The following OTOG variants were observed in gnomAD, a reference collection of about 807,000 sequenced individuals.
OTOG encodes otogelin.
Under a neutral mutation model 313.8 loss-of-function variants are expected in OTOG, and 296 were observed. That is an observed-to-expected ratio of 0.94 (90% confidence interval 0.86 to 1.04). OTOG has a LOEUF of 1.04. Ranked by LOEUF, OTOG falls within the 50% of genes least tolerant of loss-of-function variation. The pLI is 0.00. For missense variants in OTOG, 3,948 were observed against 3,840.1 expected, an observed-to-expected ratio of 1.03 and a Z score of -0.74; for synonymous variants, 1,533 against 1,554.9, an observed-to-expected ratio of 0.99 and a Z score of 0.33.
intron 22 of OTOG, among the ~76,000 whole-genome samples, chr11:17,577,280 G>A (rs1357815798): frequency 3.9e-5 from 6 of 152,236 alleles, no homozygotes; most frequent in Non-Finnish European, 7.3e-5. Context: ...CTCTGCCCAG[G>A]ACAATGCTAG....
At chr11:17,613,773 A>G in intron 39 of OTOG, 72 bp downstream of exon 39, 2 of 876,604 alleles carry the variant, frequency 2.3e-6, no homozygotes, top group Non-Finnish European at 1.7e-6. Flanking sequence ...CCAGGGGTGG[A>G]GGGGCTGTGA....
rs1206662066 is a variant in OTOG, at chr11:17,553,465, C to A, written c.486C>A (p.Gly162=). 1.4e-5 allele frequency: 21 copies of A among 1,464,668 alleles called. No individual in the cohort carries two copies. Among genetic ancestry groups the A allele is most frequent in the Non-Finnish European group, 1.9e-5 (21 of 1,106,102 alleles). The allele number at this position is 1,464,668 out of a possible 1,614,324, so 90.7% of individuals were successfully genotyped here. The change falls in exon 6 of 56, where the codon GGC becomes GGA. Residue 162 remains glycine (G), a synonymous_variant. Coordinates refer to ENST00000399397, the MANE Select transcript of OTOG (RefSeq NM_001292063.2). ...DGLYYYLSGK[G]SYTLVGRHEP... Reference sequence around the variant, plus strand: ...TCTACTACTACCTCTCCGGAAAGGGCAGCTACACCCTGGTGGGTCGCCATG... The same window carrying A: ...TCTACTACTACCTCTCCGGAAAGGGAAGCTACACCCTGGTGGGTCGCCATG...
intron 22 of OTOG, among the ~76,000 whole-genome samples, chr11:17,577,323 G>A (rs945419367): frequency 2.0e-5 from 3 of 152,160 alleles, no homozygotes; most frequent in African/African-American, 7.2e-5. Context: ...AGGACAGCCT[G>A]GGCTTTTGAG....
intron 15 of OTOG, 145 bp from the exon 16 acceptor site, chr11:17,569,011 A>G: frequency 1.0e-6 from 1 of 976,094 alleles, no homozygotes; most frequent in East Asian, 2.7e-5. Flanking sequence ...TGGTTGGATG[A>G]TCCCTGATAT....
At chr11:17,625,285 G>A (rs2134117636) in intron 39 of OTOG, among the ~76,000 whole-genome samples, 1 of 152,314 alleles carries the variant, frequency 6.6e-6, no homozygotes, top group Middle Eastern at 3.4e-3. Context: ...GTTGTTGGCT[G>A]TGGGTTTGTC....
intron 39 of OTOG, among the ~76,000 whole-genome samples, chr11:17,618,396 G>T (rs1181917707): frequency 6.6e-6 from 1 of 152,150 alleles, no homozygotes; most frequent in African/African-American, 2.4e-5. Flanking sequence ...TTTTCCAGAT[G>T]CCTTTCTGTT....
Position 17,574,743 on chromosome 11 carries a change from G to A in OTOG, c.2317G>A (p.Glu773Lys). The change falls in exon 20 of 56, where the codon GAG becomes AAG. Residue 773 changes from glutamate (E) to lysine (K), a missense_variant. Coordinates refer to ENST00000399397, the MANE Select transcript of OTOG (RefSeq NM_001292063.2). ...ACALSCEASK[E>K]YSPCVAPCGR... ...AGCACTGTCCTGTGAGGCCTCCAAG[G>A]AGTATAGCCCCTGCGTGGCCCCGTG... The A allele has an allele frequency of 6.4e-7, 1 of 1,550,636 alleles. No homozygotes were observed.
chr11:17,639,392 G>A, intron 48 of OTOG, 31 bp from the exon 49 acceptor site: 2 of 1,550,492 alleles, frequency 1.3e-6, no homozygotes, highest in Admixed American at 2.0e-5. Context: ...CATCCCTGAT[G>A]AAGTGGGGCC....
intron 17 of OTOG, 36 bp from the exon 18 acceptor site, chr11:17,572,044 G>A (rs1168410958): frequency 2.1e-5 from 33 of 1,549,776 alleles, no homozygotes; most frequent in Non-Finnish European, 2.9e-5. Context: ...AGTCCACAGG[G>A]GCAAGTGTGT....
At chr11:17,625,843 G>A (rs1201328344) in intron 39 of OTOG, among the ~76,000 whole-genome samples, 1 of 149,340 alleles carries the variant, frequency 6.7e-6, no homozygotes, top group Admixed American at 6.7e-5. Flanking sequence ...GGTTGCCTGT[G>A]CTTTTGGGGT....
intron 41 of OTOG, 21 bp from the exon 42 acceptor site, chr11:17,632,067 C>G: frequency 2.6e-6 from 4 of 1,549,486 alleles, no homozygotes; most frequent in Non-Finnish European, 3.5e-6. Context: ...GTAACCAGCA[C>G]TGCCTGATGC....
At chr11:17,629,386 T>C in intron 40 of OTOG, 70 bp downstream of exon 40, 1 of 1,447,928 alleles carries the variant, frequency 6.9e-7, no homozygotes, top group South Asian at 1.4e-5. Context: ...ACATAATTCC[T>C]CCTGGAGCAG....
intron 6 of OTOG, among the ~76,000 whole-genome samples, chr11:17,555,135 C>T (rs1203001593): frequency 6.6e-6 from 1 of 152,112 alleles, no homozygotes; most frequent in Non-Finnish European, 1.5e-5. Flanking sequence ...GAAGCTCTCC[C>T]CTCTACCCCA....
rs1364630241 is a variant in OTOG at position 17,559,578 on chromosome 11, G to A, written c.1258G>A (p.Ala420Thr). 12 of 1,550,604 alleles carry A rather than the reference G, an allele frequency of 7.7e-6. No homozygotes were observed. Among genetic ancestry groups the A allele is most frequent in the South Asian group, 2.4e-5 (2 of 84,062 alleles). ...EKAFTYNECI[A>T]CCPASCHPRA... ...GGCCTTTACCTACAATGAGTGCATC[G>A]CCTGCTGCCCTGCCTCCTGCCATCC... is the stretch of plus-strand genomic sequence containing the variant. Residue 420 changes from alanine (A) to threonine (T), a missense_variant, in exon 12 of 56, where the codon GCC becomes ACC. Ala to Thr is a moderately conservative substitution (Grantham distance 58). Coordinates refer to ENST00000399397, the MANE Select transcript of OTOG (RefSeq NM_001292063.2).
At chr11:17,593,966 C>T in intron 27 of OTOG, 81 bp from the exon 28 acceptor site, 1 of 1,525,378 alleles carries the variant, frequency 6.6e-7, no homozygotes, top group South Asian at 1.2e-5. Flanking sequence ...ATGATAGACT[C>T]CTGGGCTCAT....
chr11:17,612,425 C>A, intron 37 of OTOG, 95 bp downstream of exon 37: 1 of 1,431,742 alleles, frequency 7.0e-7, no homozygotes, highest in Non-Finnish European at 9.2e-7. Context: ...AGACTCCCCT[C>A]CTGTGGGACC....
At chr11:17,619,109 A>G (rs896746461) in intron 39 of OTOG, among the ~76,000 whole-genome samples, 1 of 152,116 alleles carries the variant, frequency 6.6e-6, no homozygotes, top group Non-Finnish European at 1.5e-5. Context: ...CTAAAAATAT[A>G]TATATTAAAA....
chr11:17,623,390 A>G (rs2134114917), intron 39 of OTOG, among the ~76,000 whole-genome samples: 1 of 152,350 alleles, frequency 6.6e-6, no homozygotes, highest in East Asian at 1.9e-4. Flanking sequence ...CAGTGAGAAC[A>G]TGCAGTATTT....
In OTOG at chr11:17,629,197, C is replaced by T. The variant is rs1313531409; in HGVS notation, c.6593C>T (p.Thr2198Ile). The change falls in exon 40 of 56, where the codon ACA (threonine) becomes ATA (isoleucine). Residue 2198 changes from threonine to isoleucine, a missense_variant. Physicochemically the swap from Thr to Ile is moderately conservative, Grantham distance 89. Coordinates refer to ENST00000399397, the MANE Select transcript of OTOG (RefSeq NM_001292063.2). Reference protein sequence around the residue: ...VSRYGFRIEDTGHMYMILTPS... With the variant: ...VSRYGFRIEDIGHMYMILTPS... ...AGGTATGGATTCAGAATTGAGGACA[C>T]AGGCCACATGTACATGATCCTGACT... 2.6e-6 allele frequency: 4 copies of T among 1,550,494 alleles called. No individual in the cohort carries two copies. Among genetic ancestry groups the T allele is most frequent in the Non-Finnish European group, 1.7e-6 (2 of 1,147,004 alleles).
Sources: gnomAD v4.1 joint callset for allele counts (sites outside exome capture counted in the v4.1 genomes callset) on GRCh38, gnomAD v4.1.1 for gene constraint, MANE v1.5 for transcripts, NCBI Gene and HGNC (gene_info 2026-07-23, HGNC 2026-07-21) for gene names.